The following BEND5 variants were observed in gnomAD, a reference collection of about 807,000 sequenced individuals.
BEND5 encodes the protein BEN domain-containing protein 5.
Under a neutral mutation model 43.9 loss-of-function variants are expected in BEND5, and 22 were observed. That is an observed-to-expected ratio of 0.50 (90% CI 0.36 to 0.72). BEND5 has a LOEUF of 0.72. Ranked by LOEUF, BEND5 falls within the 30% of genes least tolerant of loss-of-function variation. The pLI, the probability that BEND5 is intolerant of heterozygous loss-of-function variation, is 0.00. For synonymous variants in BEND5, 228 were observed against 225.9 expected (o/e 1.01, Z -0.08); for missense variants, 428 against 550.6 (o/e 0.78, Z 2.23).
intron 5 of BEND5, among the ~76,000 whole-genome samples, 176 bp from the exon 6 acceptor site, chr1:48,728,219 T>C (rs973103485): frequency 3.3e-5 from 5 of 152,218 alleles, no homozygotes; most frequent in African/African-American, 1.2e-4. Flanking sequence ...AGAGCAGATA[T>C]ACACTGTAAA....
intron 5 of BEND5, among the ~76,000 whole-genome samples, chr1:48,735,635 C>A (rs72904830): frequency 0.033 from 5,068 of 152,130 alleles, 148 homozygotes; most frequent in Middle Eastern, 0.075. Flanking sequence ...GTCTCTTTGC[C>A]TGCCCTCCAA....
chr1:48,766,844 G>A (rs898285835), intron 1 of BEND5, among the ~76,000 whole-genome samples: 2 of 152,196 alleles, frequency 1.3e-5, no homozygotes, highest in Non-Finnish European at 2.9e-5. Context: ...TCTGCAGGCA[G>A]TGAACATTTA....
intron 5 of BEND5, among the ~76,000 whole-genome samples, chr1:48,730,687 A>G (rs563508846): frequency 6.6e-6 from 1 of 152,232 alleles, no homozygotes; most frequent in South Asian, 2.1e-4. Flanking sequence ...GTTGATTAAA[A>G]GGCTTTCGTT....
Position 48,727,761 on chromosome 1 carries a change from C to T in BEND5, c.*125G>A, listed in dbSNP as rs1181691671. On this transcript the variant is annotated 3_prime_UTR_variant, in exon 6 of 6. Coordinates refer to ENST00000371833, the MANE Select transcript of BEND5 (RefSeq NM_024603.4). ...CACATTCAGAACAAGCCGCTGACCC[C>T]AGAACCCGATGGATCCCTGCACACA... The T allele has an allele frequency of 2.2e-6, 2 of 921,648 alleles. No individual in the cohort carries two copies. The highest frequency in any genetic ancestry group is 3.2e-6 in the Non-Finnish European group (2 of 618,742). The allele number at this position is 921,648 out of a possible 1,614,324, so 57.1% of individuals were successfully genotyped here.
intron 3 of BEND5, among the ~76,000 whole-genome samples, chr1:48,755,617 T>C (rs1652431096): frequency 6.6e-6 from 1 of 152,050 alleles, no homozygotes; most frequent in Non-Finnish European, 1.5e-5. Flanking sequence ...GGGTCTCTCA[T>C]TCGCTTTCTG....
rs1402696356 is a variant in BEND5, at chr1:48,758,886, G to A, written c.745+14C>T. The A allele has an allele frequency of 2.0e-6, 3 of 1,499,396 alleles. No individual in the cohort carries two copies. Among genetic ancestry groups the A allele is most frequent in the Non-Finnish European group, 2.7e-6 (3 of 1,128,006 alleles). The allele number at this position is 1,499,396 out of a possible 1,614,324, so 92.9% of individuals were successfully genotyped here. ...ACCCAAGTGGAGTGGTAGGTGACCTGCTGGGGCACTCACCGCTGCCAAGCC... is the reference window on the plus strand; with the variant it reads ...ACCCAAGTGGAGTGGTAGGTGACCTACTGGGGCACTCACCGCTGCCAAGCC... On this transcript the variant is annotated intron_variant, in intron 3 of 5. Coordinates refer to ENST00000371833, the MANE Select transcript of BEND5 (RefSeq NM_024603.4).
At chr1:48,745,736 C>T (rs1650634224) in intron 3 of BEND5, among the ~76,000 whole-genome samples, 1 of 152,160 alleles carries the variant, frequency 6.6e-6, no homozygotes, top group Non-Finnish European at 1.5e-5. Context: ...ATCTCTAGCC[C>T]TTGGCTTGGG....
Position 48,761,448 on chromosome 1 carries a change from G to C in BEND5, c.249C>G (p.Asn83Lys). The change falls in exon 2 of 6, where the codon AAC becomes AAG. Residue 83 changes from asparagine to lysine, a missense_variant. Asn to Lys is a moderately conservative substitution (Grantham distance 94). Around this residue, in one of 4 missense-constraint regions of BEND5, gnomAD observed 243 missense variants for 286.4 expected, o/e 0.85. Coordinates refer to ENST00000371833, the MANE Select transcript of BEND5 (RefSeq NM_024603.4). Reference protein sequence around the residue: ...ALAEDKSDLENSVMQKKIKIP... With the variant: ...ALAEDKSDLEKSVMQKKIKIP... ...TTTTTATTTTCTTCTGCATCACACTGTTTTCAAGGTCAGATTTGTCTTCTA... is the reference window on the plus strand; with the variant it reads ...TTTTTATTTTCTTCTGCATCACACTCTTTTCAAGGTCAGATTTGTCTTCTA... 1.3e-6 allele frequency: 2 copies of C among 1,551,016 alleles called. No homozygotes were observed. Among genetic ancestry groups the C allele is most frequent in the Non-Finnish European group, 1.7e-6 (2 of 1,146,872 alleles).
At position 48,776,811 on chromosome 1, in the gene BEND5, G is replaced by A. The variant is rs567114347; in HGVS notation, c.21C>T (p.Phe7=). 1 of 1,521,822 alleles carries A rather than the reference G, an allele frequency of 6.6e-7. No homozygotes were observed. The highest frequency in any genetic ancestry group is 1.2e-5 in the South Asian group (1 of 80,952). 94.3% of individuals were successfully genotyped at this position (1,521,822 alleles called of 1,614,324 possible). A position where few individuals can be genotyped will look rare whatever the true frequency, so the allele number is the denominator to read the frequency against. MYAFVR[F]LEDNVCYALP... ...GCGCGTAGCAGACGTTGTCCTCCAG[G>A]AACCGCACAAAGGCGTACATGGTGG... Residue 7 remains phenylalanine, a synonymous_variant, in exon 1 of 6, where the codon TTC becomes TTT. Coordinates refer to ENST00000371833, the MANE Select transcript of BEND5 (RefSeq NM_024603.4).
chr1:48,731,437 AG>A (rs1232304342), intron 5 of BEND5, among the ~76,000 whole-genome samples: 1 of 152,170 alleles, frequency 6.6e-6, no homozygotes, highest in African/African-American at 2.4e-5. Flanking sequence ...ATAGGCAATA[AG>A]GGTTAGACAA....
At chr1:48,768,393 C>A (rs1250853356) in intron 1 of BEND5, among the ~76,000 whole-genome samples, 1 of 151,992 alleles carries the variant, frequency 6.6e-6, no homozygotes, top group Non-Finnish European at 1.5e-5. Flanking sequence ...AAAGAGCTTT[C>A]TTGTAAAAAA....
At chr1:48,728,711 G>T (rs1018405905) in intron 5 of BEND5, among the ~76,000 whole-genome samples, 1 of 152,174 alleles carries the variant, frequency 6.6e-6, no homozygotes, top group Non-Finnish European at 1.5e-5. Flanking sequence ...GCCTAGGCGT[G>T]GACTTGCTGA....
At chr1:48,769,865 T>C (rs987558320) in intron 1 of BEND5, among the ~76,000 whole-genome samples, 1 of 152,210 alleles carries the variant, frequency 6.6e-6, no homozygotes, top group Non-Finnish European at 1.5e-5. Flanking sequence ...AGCTTCTAAG[T>C]AGCACAGTCA....
intron 1 of BEND5, among the ~76,000 whole-genome samples, chr1:48,774,901 A>G (rs570143349): frequency 1.3e-4 from 20 of 152,330 alleles, no homozygotes; most frequent in Non-Finnish European, 2.1e-4. Flanking sequence ...TCTCTTTAAC[A>G]CATCACTTCT....
intron 3 of BEND5, among the ~76,000 whole-genome samples, chr1:48,754,060 G>T (rs1570518908): frequency 6.6e-6 from 1 of 152,298 alleles, no homozygotes; most frequent in East Asian, 1.9e-4. Flanking sequence ...CAGAGCCCTT[G>T]AGAGTCTTAT....
chr1:48,764,310 A>G (rs1425975631), intron 1 of BEND5, among the ~76,000 whole-genome samples: 1 of 152,226 alleles, frequency 6.6e-6, no homozygotes, highest in Non-Finnish European at 1.5e-5. Context: ...TATGAATTGA[A>G]GTGAATAATT....
intron 5 of BEND5, among the ~76,000 whole-genome samples, chr1:48,733,775 C>T (rs1389286302): frequency 6.6e-6 from 1 of 152,112 alleles, no homozygotes; most frequent in African/African-American, 2.4e-5. Context: ...AGAAATCACA[C>T]AAAATTTGGT....
At chr1:48,755,036 C>T (rs1048745282) in intron 3 of BEND5, among the ~76,000 whole-genome samples, 5 of 152,180 alleles carry the variant, frequency 3.3e-5, no homozygotes, top group African/African-American at 1.2e-4. Flanking sequence ...TTAAATCCAT[C>T]TTTTCTTGTG....
At chr1:48,731,175 C>T (rs1461269436) in intron 5 of BEND5, among the ~76,000 whole-genome samples, 1 of 151,958 alleles carries the variant, frequency 6.6e-6, no homozygotes, top group Non-Finnish European at 1.5e-5. Flanking sequence ...ATGGGAAGAA[C>T]CAACCAAATG....
Sources: allele counts gnomAD v4.1 joint callset (sites outside exome capture counted in the v4.1 genomes callset), GRCh38; gene constraint gnomAD v4.1.1; regional missense constraint gnomAD v4.1.1; transcripts MANE v1.5; gene names NCBI Gene and HGNC (gene_info 2026-07-23, HGNC 2026-07-21).